Variants in UBE3C observed in about 807,000 individuals in gnomAD.
UBE3C encodes ubiquitin protein ligase E3C, also known as ubiquitin-protein ligase E3C.
UBE3C carries 42 observed loss-of-function variants against 129.4 expected under a neutral mutation model. The ratio of observed to expected loss-of-function variants is 0.32; its 90% CI spans 0.25 to 0.42. The LOEUF is 0.42. UBE3C is among the 10% of genes least tolerant of loss of function. The pLI, the probability that UBE3C is intolerant of heterozygous loss-of-function variation, is 1.00. For missense variants in UBE3C, 1,049 were observed against 1,319.1 expected, an observed-to-expected ratio of 0.80 and a Z score of 3.17; for synonymous variants, 510 against 492.4, an observed-to-expected ratio of 1.04 and a Z score of -0.47.
intron 18 of UBE3C, among the ~76,000 whole-genome samples, chr7:157,238,143 A>G (rs748129073): frequency 2.0e-5 from 3 of 152,216 alleles, no homozygotes; most frequent in Non-Finnish European, 4.4e-5. Context: ...ACTTTATGAA[A>G]TAAAAGCCAA....
chr7:157,170,169 G>T, intron 3 of UBE3C, 135 bp from the exon 4 acceptor site: 13 of 529,112 alleles, frequency 2.5e-5, no homozygotes, highest in East Asian at 3.9e-5. Context: ...ATTCAACTGT[G>T]AGCAAGGACC....
intron 17 of UBE3C, among the ~76,000 whole-genome samples, chr7:157,230,857 G>A (rs573226667): frequency 1.1e-3 from 164 of 152,192 alleles, no homozygotes; most frequent in Non-Finnish European, 1.0e-3. Flanking sequence ...TTGTGGGGGC[G>A]GAGGTTGCAG....
chr7:157,210,089 AT>A (rs1490991444), intron 13 of UBE3C, among the ~76,000 whole-genome samples: 4 of 152,154 alleles, frequency 2.6e-5, no homozygotes, highest in Admixed American at 6.5e-5. Context: ...GGGCAGGAGA[AT>A]TGCTAGAACC....
chr7:157,260,950 C>T (rs745533967), intron 22 of UBE3C, among the ~76,000 whole-genome samples: 3 of 152,112 alleles, frequency 2.0e-5, no homozygotes, highest in Admixed American at 6.5e-5. Context: ...ACTTGTGCTG[C>T]GTGAGCGTCG....
At chr7:157,248,635 T>G in intron 19 of UBE3C, 55 bp downstream of exon 19, 1 of 1,566,586 alleles carries the variant, frequency 6.4e-7, no homozygotes, top group Non-Finnish European at 8.8e-7. Flanking sequence ...CAGCATCTCC[T>G]TGTGTGTGGA....
intron 1 of UBE3C, among the ~76,000 whole-genome samples, chr7:157,142,865 T>C (rs921534643): frequency 2.6e-5 from 4 of 151,922 alleles, no homozygotes; most frequent in Non-Finnish European, 5.9e-5. Context: ...TTTTTTTTTT[T>C]TTTTTGAGAT....
At chr7:157,171,686 ATTTTTTTTTTTTTTTTTTTTTTTTT>A (rs77471740) in intron 4 of UBE3C, among the ~76,000 whole-genome samples, 7 of 37,634 alleles carry the variant, frequency 1.9e-4, no homozygotes, top group Admixed American at 4.2e-4. Flanking sequence ...ATATATATAT[ATTTTTTTTTTTTTTTTTTTTTTTTT>A]TTTTTTTTTT....
intron 14 of UBE3C, 106 bp from the exon 15 acceptor site, chr7:157,220,583 C>A: frequency 7.6e-7 from 1 of 1,312,606 alleles, no homozygotes; most frequent in Non-Finnish European, 1.1e-6. Context: ...AGAGAGGGCC[C>A]AGCCCACGGT....
intron 1 of UBE3C, among the ~76,000 whole-genome samples, chr7:157,146,567 A>C (rs1807611645): frequency 6.6e-6 from 1 of 152,074 alleles, no homozygotes; most frequent in Admixed American, 6.5e-5. Flanking sequence ...TCTCTCCTCC[A>C]TTGATCTCTC....
At chr7:157,212,825 C>T (rs1586692839) in intron 13 of UBE3C, among the ~76,000 whole-genome samples, 1 of 152,038 alleles carries the variant, frequency 6.6e-6, no homozygotes, top group Non-Finnish European at 1.5e-5. Flanking sequence ...TACAGTGGCT[C>T]GATCTCACTG....
chr7:157,145,722 A>G (rs1174030079), intron 1 of UBE3C, among the ~76,000 whole-genome samples: 3 of 152,104 alleles, frequency 2.0e-5, no homozygotes, highest in East Asian at 1.9e-4. Context: ...ATGGCTTGAC[A>G]GTTCATTTCT....
chr7:157,242,514 G>GTTGTT lies in UBE3C; in HGVS notation c.2482-5852_2482-5851insGTTTT, dbSNP rs776094182. On this transcript the variant is annotated intron_variant, in intron 18 of 22. Transcript: ENST00000348165. ...GGTACCTTGAGACTGAGCCTGAGTT[G>GTTGTT]TTTTTTTTTTTTTTTTTTTTTTTAA... Among the ~76,000 whole-genome samples the GTTGTT allele has an allele frequency of 2.8e-3, 316 of 112,074 alleles. 2 individuals are homozygous for GTTGTT. The highest frequency in any genetic ancestry group is 9.8e-3 in the African/African-American group (269 of 27,426). The allele number at this position is 112,074 out of a possible 152,430, so 73.5% of individuals were successfully genotyped here. A position where few individuals can be genotyped will look rare whatever the true frequency, so the allele number is the denominator to read the frequency against.
At chr7:157,200,317 T>A (rs948063189) in intron 10 of UBE3C, among the ~76,000 whole-genome samples, 1 of 152,162 alleles carries the variant, frequency 6.6e-6, no homozygotes, top group African/African-American at 2.4e-5. Flanking sequence ...GGAGTTTAGT[T>A]GTTGTTTATT....
intron 19 of UBE3C, among the ~76,000 whole-genome samples, chr7:157,249,285 A>G (rs1287806668): frequency 6.6e-6 from 1 of 150,974 alleles, no homozygotes; most frequent in Non-Finnish European, 1.5e-5. Flanking sequence ...CTGTCTCTGC[A>G]TGGGCCTGCT....
Position 157,189,676 on chromosome 7 carries a change from C to T in UBE3C, c.1331+2655C>T, listed in dbSNP as rs547610166. Among the ~76,000 whole-genome samples the T allele has an allele frequency of 9.8e-5, 15 of 152,292 alleles. No individual in the cohort carries two copies. The East Asian group carries it at 1.3e-3, about 14-fold the overall frequency. ...TCCTTCCTTTTCCTGACTCTTTCAG[C>T]GGCTTCTTTCATAGATACCATATTC... On this transcript the variant is annotated intron_variant, in intron 10 of 22. Coordinates refer to ENST00000348165, the MANE Select transcript of UBE3C (RefSeq NM_014671.3).
chr7:157,165,846 T>A (rs1586656477), intron 2 of UBE3C, among the ~76,000 whole-genome samples: 1 of 152,250 alleles, frequency 6.6e-6, no homozygotes, highest in African/African-American at 2.4e-5. Flanking sequence ...TAAACTCCAG[T>A]AATTGGATCT....
chr7:157,172,845 G>A lies in UBE3C; in HGVS notation c.343-2074G>A, dbSNP rs191325502. ...AGACAGGCAGGTGCTGTGAGATGTC[G>A]ATTGGTGTCTCTCCAGAGCACCTAT... On this transcript the variant is annotated intron_variant, in intron 4 of 22. Coordinates refer to ENST00000348165, the MANE Select transcript of UBE3C (RefSeq NM_014671.3). Among the ~76,000 whole-genome samples the A allele has an allele frequency of 1.1e-3, 161 of 152,302 alleles. 1 individual carries two copies. The highest frequency in any genetic ancestry group is 5.6e-3 in the South Asian group (27 of 4,824).
intron 1 of UBE3C, among the ~76,000 whole-genome samples, chr7:157,156,376 G>A (rs1460882755): frequency 7.1e-6 from 1 of 140,212 alleles, no homozygotes; most frequent in Non-Finnish European, 1.5e-5. Context: ...GCATGATCTC[G>A]GCTCACTGCA....
rs7784782 is a variant in UBE3C at position 157,206,325 on chromosome 7, C to T, written c.1419-1073C>T. Among the ~76,000 whole-genome samples the T allele has an allele frequency of 6.4e-3, 982 of 152,278 alleles. 8 individuals carry two copies. The highest frequency in any genetic ancestry group is 0.022 in the African/African-American group (920 of 41,568). ...TTGCCCAGGCTGGAGTGCAATGGCA[C>T]GATCTCGGCTCACTGCAACCTCCGC... On this transcript the variant is annotated intron_variant, in intron 11 of 22. Transcript: ENST00000348165.
Sources: allele counts gnomAD v4.1 joint callset (sites outside exome capture counted in the v4.1 genomes callset), GRCh38; gene constraint gnomAD v4.1.1; transcripts MANE v1.5; gene names NCBI Gene and HGNC (gene_info 2026-07-23, HGNC 2026-07-21).